The following MARS1 variants were observed in gnomAD, a reference collection of about 807,000 sequenced individuals.
MARS1 encodes methionine--tRNA ligase, cytoplasmic.
MARS1 carries 80 observed loss-of-function variants against 119.5 expected under a neutral mutation model. The ratio of observed to expected loss-of-function variants is 0.67; its 90% CI spans 0.56 to 0.81. The LOEUF is 0.81. Among genes scored for constraint, MARS1 ranks in the 30% least tolerant of loss-of-function variants. The pLI, the probability that MARS1 is intolerant of heterozygous loss-of-function variation, is 0.00. For synonymous variants in MARS1, 418 were observed against 433.4 expected (o/e 0.96, Z 0.44); for missense variants, 945 against 1,116.5 (o/e 0.85, Z 2.19).
At chr12:57,492,179 T>TGA (rs979669830) in intron 7 of MARS1, among the ~76,000 whole-genome samples, 12 of 148,312 alleles carry the variant, frequency 8.1e-5, no homozygotes, top group African/African-American at 2.8e-4. Flanking sequence ...CTCGGGAAGG[T>TGA]GAGGCAGGAG....
chr12:57,490,778 C>CTT (rs1875885823), intron 7 of MARS1, 134 bp downstream of exon 7: 2 of 398,664 alleles, frequency 5.0e-6, no homozygotes, highest in South Asian at 3.4e-5. Flanking sequence ...ATTCTTACAT[C>CTT]TCTTTTTTTT....
chr12:57,493,803 A>T (rs867343682), intron 7 of MARS1, among the ~76,000 whole-genome samples: 163 of 914 alleles, frequency 0.18, 23 homozygotes, highest in Admixed American at 0.25. Flanking sequence ...ATATTATATT[A>T]TATAATGTAT....
intron 11 of MARS1, 40 bp downstream of exon 11, chr12:57,504,339 T>C (rs758290251): frequency 2.6e-6 from 4 of 1,518,518 alleles, no homozygotes; most frequent in Non-Finnish European, 3.7e-6. Flanking sequence ...TCAGGAGGCC[T>C]CTTCTGTCCC....
At chr12:57,488,594 A>G (rs1277621696) in intron 1 of MARS1, 6 of 1,550,974 alleles carry the variant, frequency 3.9e-6, no homozygotes, top group South Asian at 1.2e-5. Context: ...ACACACACAC[A>G]CGTTCCTTTC....
Position 57,500,430 on chromosome 12 carries a change from G to A in MARS1, c.1201G>A (p.Val401Met), listed in dbSNP as rs774447812. 6.2e-6 allele frequency: 10 copies of A among 1,614,050 alleles called. No individual in the cohort carries two copies. The highest frequency in any genetic ancestry group is 1.7e-5 in the Admixed American group (1 of 59,998). The change falls in exon 10 of 21, where the codon GTG (valine) becomes ATG (methionine). Residue 401 changes from valine (V) to methionine (M), a missense_variant. Transcript: ENST00000262027. ...HCARFLADRF[V>M]EGVCPFCGYE... ...TGCTCGCTTCCTGGCTGACCGCTTCGTGGAGGGCGTGTGTCCCTTCTGTGG... is the reference window on the plus strand; with the variant it reads ...TGCTCGCTTCCTGGCTGACCGCTTCATGGAGGGCGTGTGTCCCTTCTGTGG...
intron 7 of MARS1, among the ~76,000 whole-genome samples, chr12:57,492,381 C>T (rs1876017143): frequency 6.8e-6 from 1 of 146,780 alleles, no homozygotes; most frequent in Admixed American, 6.9e-5. Flanking sequence ...TGAGTGAAGA[C>T]TTAAAACGGC....
chr12:57,511,902 T>C (rs1351526764), intron 12 of MARS1, 34 bp downstream of exon 12: 2 of 1,611,732 alleles, frequency 1.2e-6, no homozygotes, highest in South Asian at 2.2e-5. Context: ...TCATTCAGCC[T>C]TAGTGTTGAA....
intron 15 of MARS1, 146 bp from the exon 16 acceptor site, chr12:57,514,574 T>C (rs1237845401): frequency 8.9e-6 from 8 of 900,156 alleles, no homozygotes; most frequent in Non-Finnish European, 1.4e-5. Context: ...CCTTGTCTAC[T>C]AGCTTGAGGG....
intron 11 of MARS1, among the ~76,000 whole-genome samples, chr12:57,509,799 G>A (rs1382833294): frequency 6.6e-6 from 1 of 152,106 alleles, no homozygotes; most frequent in African/African-American, 2.4e-5. Context: ...TTTATTTCAT[G>A]TCTCTATCTA....
rs141020578 is a variant in MARS1 at position 57,489,406 on chromosome 12, A to G, written c.280-18A>G. On this transcript the variant is annotated intron_variant, in intron 3 of 20. Transcript: ENST00000262027. ...TTGTTCTGCGTGGCCATCCTGACTCATGTCCCCTGCATTTTAGCCAGCTTT... is the reference window on the plus strand; with the variant it reads ...TTGTTCTGCGTGGCCATCCTGACTCGTGTCCCCTGCATTTTAGCCAGCTTT... The G allele has an allele frequency of 1.6e-4, 254 of 1,614,144 alleles. No homozygotes were observed. In the African/African-American group the frequency reaches 2.7e-3, roughly 17 times the overall value.
chr12:57,511,135 T>A (rs1457274783), intron 11 of MARS1, among the ~76,000 whole-genome samples: 1 of 66,372 alleles, frequency 1.5e-5, no homozygotes, highest in Non-Finnish European at 3.3e-5. Flanking sequence ...TCCATATTTT[T>A]AAAAATTAAA....
chr12:57,510,311 A>C (rs772184431), intron 11 of MARS1, among the ~76,000 whole-genome samples: 14 of 152,096 alleles, frequency 9.2e-5, no homozygotes, highest in Non-Finnish European at 1.8e-4. Flanking sequence ...ATCTCTACTA[A>C]AAATACAAAA....
At position 57,489,294 on chromosome 12, in the gene MARS1, G is replaced by T. The variant is rs369313141; in HGVS notation, c.228G>T (p.Glu76Asp). ...CRYFFLLSGW[E>D]QDDLTNQWLE... ...ATTTTTTTTTGTTATCTGGCTGGGA[G>T]CAAGATGACCTCACTAACCAGTGGC... is the stretch of plus-strand genomic sequence containing the variant. The change falls in exon 3 of 21, where the codon GAG (glutamate) becomes GAT (aspartate). Residue 76 changes from glutamate (E) to aspartate (D), a missense_variant. Transcript: ENST00000262027. 148 of 1,613,760 alleles carry T rather than the reference G, an allele frequency of 9.2e-5. No individual in the cohort carries two copies. Among genetic ancestry groups the T allele is most frequent in the Non-Finnish European group, 1.2e-4 (146 of 1,180,032 alleles).
At chr12:57,514,628 A>AC in intron 15 of MARS1, 92 bp from the exon 16 acceptor site, 9 of 1,501,266 alleles carry the variant, frequency 6.0e-6, no homozygotes, top group Non-Finnish European at 8.3e-6. Flanking sequence ...GAGAGAATGT[A>AC]CAGCTGTGGA....
rs1421844927 is a variant in MARS1 at position 57,491,234 on chromosome 12, C to T, written c.770+590C>T. Among the ~76,000 whole-genome samples, 4 of 152,088 alleles carry T rather than the reference C, an allele frequency of 2.6e-5. No individual in the cohort carries two copies. In the East Asian group the frequency reaches 7.7e-4, roughly 29 times the overall value. ...TAGGAGCTAACTCTATTTTTCCAGT[C>T]CAGATCTGTATTCTGAACTCCAGAC... On this transcript the variant is annotated intron_variant, in intron 7 of 20. Coordinates refer to ENST00000262027, the MANE Select transcript of MARS1 (RefSeq NM_004990.4).
At position 57,495,257 on chromosome 12, in the gene MARS1, G is replaced by A. The variant is rs570485535; in HGVS notation, c.771-2900G>A. On this transcript the variant is annotated intron_variant, in intron 7 of 20. Transcript: ENST00000262027. ...TCCCGGACGGGGCGGCTGGCGGGGC[G>A]GGGGCTGCCCCCCACCTCCTGGATG... Among the ~76,000 whole-genome samples the A allele has an allele frequency of 4.8e-4, 72 of 150,654 alleles. No homozygotes were observed. In the East Asian group the frequency reaches 0.011, roughly 23 times the overall value.
intron 11 of MARS1, among the ~76,000 whole-genome samples, chr12:57,511,200 T>C (rs1436117652): frequency 1.3e-5 from 2 of 152,164 alleles, no homozygotes; most frequent in East Asian, 1.9e-4. Context: ...AGGATGGTCA[T>C]GAACTCCTGC....
In MARS1 at chr12:57,490,621, G is replaced by T; in HGVS notation, c.747G>T (p.Pro249=). 6.2e-7 allele frequency: 1 copy of T among 1,614,038 alleles called. No individual in the cohort carries two copies. ...AGAAGGGCCTAGAAAGTTTGCCCCC[G>T]CTGCGGCCCCAGCAGAATCCAGTGT... ...AWEKGLESLP[P]LRPQQNPVLP... The change falls in exon 7 of 21, where the codon CCG becomes CCT. Residue 249 remains proline, a synonymous_variant. Transcript: ENST00000262027.
chr12:57,515,433 T>C, intron 18 of MARS1, 97 bp downstream of exon 18: 1 of 1,222,202 alleles, frequency 8.2e-7, no homozygotes, highest in South Asian at 1.5e-5. Flanking sequence ...AGTGTTACTT[T>C]GGTCATGGGA....
Sources: allele counts gnomAD v4.1 joint callset (sites outside exome capture counted in the v4.1 genomes callset), GRCh38; gene constraint gnomAD v4.1.1; transcripts MANE v1.5; gene names NCBI Gene and HGNC (gene_info 2026-07-23, HGNC 2026-07-21).